Variants in ITCH observed in about 807,000 individuals in gnomAD.
ITCH encodes itchy E3 ubiquitin protein ligase.
A neutral mutation model predicts 126.8 loss-of-function variants in ITCH; 28 were observed. The observed-to-expected ratio is 0.22, with a 90% CI of 0.16 to 0.30. The LOEUF is 0.30. Among genes scored for constraint, ITCH ranks in the 10% least tolerant of loss-of-function variants. The pLI is 1.00. For missense variants in ITCH, 631 were observed against 1,032.4 expected (o/e 0.61, Z 5.33); for synonymous variants, 342 against 340.0 (o/e 1.01, Z -0.06).
intron 20 of ITCH, among the ~76,000 whole-genome samples, chr20:34,484,162 G>A (rs1988953593): frequency 6.6e-6 from 1 of 152,108 alleles, no homozygotes; most frequent in Non-Finnish European, 1.5e-5. Context: ...TCATAAGGTT[G>A]GGTAAAATTT....
chr20:34,418,802 C>G (rs1980342057), intron 6 of ITCH, among the ~76,000 whole-genome samples: 1 of 100,420 alleles, frequency 1.0e-5, no homozygotes, highest in Non-Finnish European at 1.9e-5. Flanking sequence ...GCTCTTATTG[C>G]CCAGACTGGA....
intron 3 of ITCH, among the ~76,000 whole-genome samples, chr20:34,399,624 C>A (rs1343405080): frequency 6.6e-6 from 1 of 151,678 alleles, no homozygotes; most frequent in Non-Finnish European, 1.5e-5. Context: ...GCAGATCATC[C>A]GAGGTCAGGA....
intron 16 of ITCH, among the ~76,000 whole-genome samples, chr20:34,475,234 CT>C (rs953044592): frequency 3.3e-5 from 5 of 152,228 alleles, no homozygotes; most frequent in African/African-American, 1.2e-4. Flanking sequence ...AGAGATGCTC[CT>C]CACTTCCCAG....
In ITCH at chr20:34,423,073, G is replaced by T. The variant is rs550518859; in HGVS notation, c.476-1407G>T. Among the ~76,000 whole-genome samples the T allele has an allele frequency of 6.8e-4, 104 of 152,286 alleles. 1 individual carries two copies. Among genetic ancestry groups the T allele is most frequent in the Middle Eastern group, 3.4e-3 (1 of 294 alleles). The stretch of plus-strand genomic sequence containing the variant: ...GCCTCCCAAAGTGCTGGGATTACAG[G>T]TGTGAGCCACCACGCCCGGCCTCTA... On this transcript the variant is annotated intron_variant, in intron 6 of 24. Coordinates refer to ENST00000374864, the MANE Select transcript of ITCH (RefSeq NM_031483.7).
At chr20:34,481,320 C>G (rs746420674) in intron 20 of ITCH, 114 bp downstream of exon 20, 2 of 1,154,500 alleles carry the variant, frequency 1.7e-6, no homozygotes, top group Non-Finnish European at 2.5e-6. Flanking sequence ...CTGTACTAAT[C>G]AATATCCTAT....
Position 34,435,109 on chromosome 20 carries a change from G to A in ITCH, c.522-3365G>A, listed in dbSNP as rs184356189. The stretch of plus-strand genomic sequence containing the variant: ...TACTACTAGGTTGTCAAAGTCATCC[G>A]TCATTTATAATTCCCTAGCTCCCAG... On this transcript the variant is annotated intron_variant, in intron 7 of 24. Coordinates refer to ENST00000374864, the MANE Select transcript of ITCH (RefSeq NM_031483.7). Among the ~76,000 whole-genome samples the A allele has an allele frequency of 3.4e-4, 52 of 151,464 alleles. 1 individual carries two copies. Among genetic ancestry groups the A allele is most frequent in the Non-Finnish European group, 4.9e-4 (33 of 67,930 alleles).
chr20:34,490,380 C>G (rs1164783994), intron 22 of ITCH, among the ~76,000 whole-genome samples: 1 of 152,106 alleles, frequency 6.6e-6, no homozygotes, highest in African/African-American at 2.4e-5. Context: ...CAAATCAAAA[C>G]CACAGTGAGG....
At chr20:34,421,214 AAGC>A (rs1424427675) in intron 6 of ITCH, among the ~76,000 whole-genome samples, 1 of 152,208 alleles carries the variant, frequency 6.6e-6, no homozygotes, top group Non-Finnish European at 1.5e-5. Context: ...TCCTGGCCTC[AAGC>A]AGTCCTCCTG....
At chr20:34,377,589 C>T (rs1006269993) in intron 2 of ITCH, among the ~76,000 whole-genome samples, 12 of 151,828 alleles carry the variant, frequency 7.9e-5, no homozygotes, top group Non-Finnish European at 1.6e-4. Context: ...TATGGCTGGG[C>T]GCGGTGGCTT....
At chr20:34,426,738 G>GGAAGATATAT in intron 7 of ITCH, among the ~76,000 whole-genome samples, 1 of 149,052 alleles carries the variant, frequency 6.7e-6, no homozygotes, top group East Asian at 2.0e-4. Flanking sequence ...GGCATAAGCT[G>GGAAGATATAT]CCATGCCTGG....
At chr20:34,430,331 T>C (rs573214503) in intron 7 of ITCH, among the ~76,000 whole-genome samples, 1 of 152,308 alleles carries the variant, frequency 6.6e-6, no homozygotes, top group South Asian at 2.1e-4. Context: ...GTTGGGATGA[T>C]ATACAAGTAA....
At chr20:34,367,276 C>G (rs1310915376) in intron 1 of ITCH, among the ~76,000 whole-genome samples, 2 of 152,138 alleles carry the variant, frequency 1.3e-5, no homozygotes, top group Non-Finnish European at 2.9e-5. Flanking sequence ...CTCCCGGGTT[C>G]AAGCGATTCG....
intron 12 of ITCH, among the ~76,000 whole-genome samples, chr20:34,450,685 A>G (rs2146326312): frequency 6.6e-6 from 1 of 152,354 alleles, no homozygotes; most frequent in South Asian, 2.1e-4. Flanking sequence ...TTTGTCTTCA[A>G]GAGCTGAAGA....
intron 9 of ITCH, chr20:34,441,877 C>T (rs547678239): frequency 1.8e-5 from 6 of 325,334 alleles, no homozygotes; most frequent in South Asian, 1.1e-4. Flanking sequence ...AGAGCCACTG[C>T]GCCTGGCCAT....
intron 2 of ITCH, among the ~76,000 whole-genome samples, chr20:34,375,578 CAATA>C (rs1195077815): frequency 6.0e-5 from 9 of 149,742 alleles, no homozygotes; most frequent in Admixed American, 4.7e-4. Context: ...TATTTTATTT[CAATA>C]AATAAATAAA....
chr20:34,483,382 CG>C, intron 20 of ITCH, among the ~76,000 whole-genome samples: 1 of 152,272 alleles, frequency 6.6e-6, no homozygotes, highest in East Asian at 1.9e-4. Context: ...TTTAACAGCA[CG>C]CAAGTCTCCT....
chr20:34,488,440 C>T (rs1989285223), intron 20 of ITCH, among the ~76,000 whole-genome samples: 1 of 152,046 alleles, frequency 6.6e-6, no homozygotes, highest in Non-Finnish European at 1.5e-5. Context: ...CTGGGCTGGG[C>T]GTGGTGGTTC....
intron 2 of ITCH, among the ~76,000 whole-genome samples, chr20:34,387,704 AT>A (rs11477181): frequency 0.52 from 77,694 of 148,836 alleles, 20,344 homozygotes; most frequent in Admixed American, 0.63. Context: ...TTGTTACTAG[AT>A]TTTTTTTTTT....
At chr20:34,422,165 T>C (rs556973623) in intron 6 of ITCH, among the ~76,000 whole-genome samples, 2 of 149,538 alleles carry the variant, frequency 1.3e-5, no homozygotes, top group South Asian at 2.1e-4. Context: ...ATAAATACTC[T>C]ATGAAGTAGG....
Sources: gnomAD v4.1 joint callset for allele counts (sites outside exome capture counted in the v4.1 genomes callset) on GRCh38, gnomAD v4.1.1 for gene constraint, MANE v1.5 for transcripts, NCBI Gene and HGNC (gene_info 2026-07-23, HGNC 2026-07-21) for gene names.